EVI5: variants seen among roughly 807,000 people sequenced by gnomAD.
The protein encoded by EVI5 is ecotropic viral integration site 5 protein homolog.
A neutral mutation model predicts 112.0 loss-of-function variants in EVI5; 73 were observed. The observed-to-expected ratio is 0.65, with a 90% confidence interval of 0.54 to 0.79. The LOEUF (loss-of-function observed/expected upper bound fraction) is 0.79, where lower values mean the gene tolerates loss of function less well. Ranked by LOEUF, EVI5 falls within the 30% of genes least tolerant of loss-of-function variation. The pLI is 0.00. For missense variants in EVI5, 900 were observed against 968.8 expected (o/e 0.93, Z 0.94); for synonymous variants, 305 against 319.9 (o/e 0.95, Z 0.50).
chr1:92,625,764 TA>T, intron 15 of EVI5, 29 bp downstream of exon 15: 2 of 1,603,022 alleles, frequency 1.2e-6, no homozygotes, highest in Non-Finnish European at 1.7e-6. Context: ...TACTCTCTTT[TA>T]AAAAAGCACA....
intron 19 of EVI5, among the ~76,000 whole-genome samples, chr1:92,544,196 G>A (rs1665301354): frequency 6.6e-6 from 1 of 152,156 alleles, no homozygotes; most frequent in Admixed American, 6.6e-5. Flanking sequence ...GAGAAATAGG[G>A]AGTGACAAGC....
intron 16 of EVI5, among the ~76,000 whole-genome samples, chr1:92,620,115 C>T (rs1438186543): frequency 2.6e-5 from 4 of 152,114 alleles, no homozygotes; most frequent in African/African-American, 9.7e-5. Context: ...GAGGCCGAGA[C>T]GGGCGGATCA....
chr1:92,563,777 A>G (rs1462017854), intron 18 of EVI5, 40 bp from the exon 19 acceptor site: 1 of 1,242,038 alleles, frequency 8.1e-7, no homozygotes, highest in Admixed American at 1.7e-5. Flanking sequence ...ACAAGAGGCA[A>G]TTTTTCACAG....
rs201043361 is a variant in EVI5 at position 92,616,453 on chromosome 1, G to A, written c.1827+7723C>T. ...CATAGCTACTGTCATGAACAGCAGC[G>A]GCAAAGCGGCAATCAGAATAGTCTG... On this transcript the variant is annotated intron_variant, in intron 16 of 19. Coordinates refer to ENST00000684568, the MANE Select transcript of EVI5 (RefSeq NM_001350197.2). Among the ~76,000 whole-genome samples the A allele has an allele frequency of 6.6e-5, 10 of 152,094 alleles. No individual in the cohort carries two copies. In the East Asian group the frequency reaches 1.3e-3, roughly 20 times the overall value.
chr1:92,644,800 T>C (rs897561438), intron 13 of EVI5, among the ~76,000 whole-genome samples: 1 of 152,190 alleles, frequency 6.6e-6, no homozygotes, highest in Non-Finnish European at 1.5e-5. Flanking sequence ...AACGTATTAA[T>C]TTCCAAATAT....
Position 92,513,000 on chromosome 1 carries a change from T to G in EVI5, c.*656A>C, listed in dbSNP as rs1241616650. The G allele has an allele frequency of 6.6e-6, 1 of 151,220 alleles. No homozygotes were observed. Among genetic ancestry groups the G allele is most frequent in the Non-Finnish European group, 1.5e-5 (1 of 67,844 alleles). 9.4% of individuals were successfully genotyped at this position (151,220 alleles called of 1,614,324 possible). On this transcript the variant is annotated 3_prime_UTR_variant, in exon 20 of 20. Transcript: ENST00000684568. ...CATCTCTACTAAAAATACAAAAAATTAGCCAGGCGTGGTGGTGCGCACATA... is the reference window on the plus strand; with the variant it reads ...CATCTCTACTAAAAATACAAAAAATGAGCCAGGCGTGGTGGTGCGCACATA...
chr1:92,661,005 T>A (rs962277063), intron 13 of EVI5, among the ~76,000 whole-genome samples: 1 of 150,422 alleles, frequency 6.6e-6, no homozygotes, highest in Non-Finnish European at 1.5e-5. Flanking sequence ...CCCTATTTAA[T>A]CATTTGGGAA....
At chr1:92,640,709 C>T (rs544138003) in intron 13 of EVI5, among the ~76,000 whole-genome samples, 9 of 152,182 alleles carry the variant, frequency 5.9e-5, no homozygotes, top group East Asian at 1.9e-4. Context: ...TACCATTTGA[C>T]CCAGCAATAC....
intron 13 of EVI5, among the ~76,000 whole-genome samples, chr1:92,662,469 A>G (rs1450351023): frequency 6.6e-6 from 1 of 152,238 alleles, no homozygotes; most frequent in African/African-American, 2.4e-5. Context: ...TACTTAAAAC[A>G]CAGTGTAAGG....
intron 9 of EVI5, among the ~76,000 whole-genome samples, chr1:92,692,349 A>G (rs1570387288): frequency 6.6e-6 from 1 of 152,230 alleles, no homozygotes; most frequent in Non-Finnish European, 1.5e-5. Flanking sequence ...TGTGAGTTCA[A>G]TGTGGTTTTA....
At chr1:92,743,398 C>A (rs1211711252) in intron 1 of EVI5, among the ~76,000 whole-genome samples, 1 of 151,830 alleles carries the variant, frequency 6.6e-6, no homozygotes, top group African/African-American at 2.4e-5. Context: ...CATGAACACA[C>A]CCTGAGGACA....
At chr1:92,681,872 C>T (rs550423099) in intron 9 of EVI5, among the ~76,000 whole-genome samples, 102 of 152,314 alleles carry the variant, frequency 6.7e-4, no homozygotes, top group Admixed American at 1.4e-3. Flanking sequence ...ATGGCTACCA[C>T]AGTAGATGGC....
At chr1:92,531,335 G>C (rs1054227396) in intron 19 of EVI5, among the ~76,000 whole-genome samples, 1 of 152,092 alleles carries the variant, frequency 6.6e-6, no homozygotes, top group Non-Finnish European at 1.5e-5. Context: ...AAGTGATGGG[G>C]AGAATGGAAC....
At chr1:92,686,503 C>T (rs1306638098) in intron 9 of EVI5, among the ~76,000 whole-genome samples, 1 of 152,262 alleles carries the variant, frequency 6.6e-6, no homozygotes, top group Non-Finnish European at 1.5e-5. Context: ...GATGCCCTCT[C>T]TCACCACTCC....
intron 1 of EVI5, among the ~76,000 whole-genome samples, chr1:92,773,197 C>CAA (rs34570423): frequency 0.011 from 1,406 of 131,312 alleles, 17 homozygotes; most frequent in African/African-American, 0.026. Flanking sequence ...CAGGCTGTCT[C>CAA]AAAAAAAAAA....
intron 18 of EVI5, among the ~76,000 whole-genome samples, chr1:92,585,539 T>C (rs1341543280): frequency 6.6e-6 from 1 of 152,106 alleles, no homozygotes; most frequent in African/African-American, 2.4e-5. Context: ...TAGAAAATAT[T>C]CCTCATAAAT....
intron 18 of EVI5, among the ~76,000 whole-genome samples, chr1:92,590,780 T>C (rs1367392064): frequency 1.3e-5 from 2 of 152,006 alleles, no homozygotes; most frequent in Admixed American, 6.5e-5. Flanking sequence ...AAGATACTCC[T>C]CGAGAAGAGC....
At chr1:92,771,852 ACTC>A (rs1683454382) in intron 1 of EVI5, among the ~76,000 whole-genome samples, 1 of 145,984 alleles carries the variant, frequency 6.9e-6, no homozygotes, top group African/African-American at 2.5e-5. Context: ...GTACTAGAAT[ACTC>A]TTTTTATTAT....
chr1:92,579,695 G>GA (rs984037481), intron 18 of EVI5, among the ~76,000 whole-genome samples: 1 of 152,008 alleles, frequency 6.6e-6, no homozygotes, highest in Non-Finnish European at 1.5e-5. Flanking sequence ...TGTTTGAGGG[G>GA]AAAAAACTAG....
Sources: allele counts gnomAD v4.1 joint callset (sites outside exome capture counted in the v4.1 genomes callset), GRCh38; gene constraint gnomAD v4.1.1; transcripts MANE v1.5; gene names NCBI Gene and HGNC (gene_info 2026-07-23, HGNC 2026-07-21).